Variants in ITGA7 observed in about 807,000 individuals in gnomAD.
ITGA7 encodes the protein integrin alpha-7.
A neutral mutation model predicts 131.6 loss-of-function variants in ITGA7; 84 were observed. The observed-to-expected ratio is 0.64, with a 90% CI of 0.54 to 0.77. The LOEUF (loss-of-function observed/expected upper bound fraction) is 0.77. Among genes scored for constraint, ITGA7 ranks in the 30% least tolerant of loss-of-function variants. The pLI is 0.00. For missense variants in ITGA7, 1,399 were observed against 1,482.9 expected (o/e 0.94, Z 0.93); for synonymous variants, 548 against 600.7 (o/e 0.91, Z 1.28).
chr12:55,685,189 T>A lies in ITGA7; in HGVS notation c.3283A>T (p.Lys1095Ter), dbSNP rs879145415. 1.9e-6 allele frequency: 3 copies of A among 1,614,104 alleles called. No homozygotes were observed. Among genetic ancestry groups the A allele is most frequent in the Non-Finnish European group, 2.5e-6 (3 of 1,180,002 alleles). ...TTGTTCCTCAGGATGGTGCCCGTCT[T>A]CTCCTCCTTGAACTGCTGTCGGTCT... is the stretch of plus-strand genomic sequence containing the variant. ...REDRQQFKEE[K>*]TGTILRNNWG... The change falls in exon 25 of 25, where the codon AAG (lysine) becomes TAG (stop). Residue 1095 changes from lysine (K) to a stop codon, truncating the protein, a stop_gained. Transcript: ENST00000257879. LOFTEE classifies it high-confidence loss of function.
chr12:55,716,000 A>G (rs1430280106), upstream of ITGA7: 3 of 1,496,000 alleles, frequency 2.0e-6, no homozygotes, highest in African/African-American at 2.8e-5. Flanking sequence ...ATCTTCACCC[A>G]AGGTCTCAAG....
Position 55,699,047 on chromosome 12 carries a change from C to A in ITGA7, c.791-130G>T, listed in dbSNP as rs1487067934. 1.3e-5 allele frequency: 11 copies of A among 818,300 alleles called. No homozygotes were observed. The Admixed American group carries it at 1.9e-4, about 14-fold the overall frequency. The allele number at this position is 818,300 out of a possible 1,614,324, so 50.7% of individuals were successfully genotyped here. A position where few individuals can be genotyped will look rare whatever the true frequency, so the allele number is the denominator to read the frequency against. On this transcript the variant is annotated intron_variant, in intron 5 of 24. Coordinates refer to ENST00000257879, the MANE Select transcript of ITGA7 (RefSeq NM_002206.3). ...AAGTCACAGCTCCCCTGCACCCTGC[C>A]CCCTCCCCTAGGTTAAGAGCCAAAA...
chr12:55,706,758 A>G (rs1390916637), intron 1 of ITGA7, among the ~76,000 whole-genome samples: 2 of 152,128 alleles, frequency 1.3e-5, no homozygotes, highest in African/African-American at 4.8e-5. Flanking sequence ...GAAATTTGCT[A>G]AGGAGGAGGA....
upstream of ITGA7, among the ~76,000 whole-genome samples, chr12:55,715,647 G>GTA (rs1182889074): frequency 6.6e-6 from 1 of 152,108 alleles, no homozygotes; most frequent in East Asian, 1.9e-4. Context: ...GACTTCAGTG[G>GTA]GGTAGTGAGA....
chr12:55,711,016 A>G (rs2136118184), upstream of ITGA7, among the ~76,000 whole-genome samples: 2 of 152,350 alleles, frequency 1.3e-5, no homozygotes, highest in Middle Eastern at 6.8e-3. Flanking sequence ...AAATGCATGT[A>G]AAAAATGGTG....
upstream of ITGA7, chr12:55,715,934 C>A: frequency 7.8e-7 from 1 of 1,276,344 alleles, no homozygotes; most frequent in Non-Finnish European, 1.0e-6. Flanking sequence ...ACTAAGCTCC[C>A]AATAAAGAAC....
intron 7 of ITGA7, 33 bp downstream of exon 7, chr12:55,698,350 C>A: frequency 6.4e-7 from 1 of 1,570,704 alleles, no homozygotes; most frequent in Non-Finnish European, 8.6e-7. Context: ...TGTGGCCCCT[C>A]CCTCCCTGAG....
chr12:55,716,088 C>T (rs533860678), upstream of ITGA7: 10 of 1,583,888 alleles, frequency 6.3e-6, no homozygotes, highest in Admixed American at 1.1e-4. Flanking sequence ...TTCCAGCTTC[C>T]GGAGCCGGAG....
At chr12:55,712,078 A>G (rs1309741998), upstream of ITGA7, 3 of 1,551,396 alleles carry the variant, frequency 1.9e-6, no homozygotes, top group East Asian at 2.4e-5. Flanking sequence ...CAGCACTGGA[A>G]TCCTTCTGCC....
chr12:55,699,978 C>A lies in ITGA7; in HGVS notation c.682G>T (p.Val228Leu). The A allele has an allele frequency of 6.2e-7, 1 of 1,613,930 alleles. No homozygotes were observed. Among genetic ancestry groups the A allele is most frequent in the Non-Finnish European group, 8.5e-7 (1 of 1,180,000 alleles). The stretch of plus-strand genomic sequence containing the variant: ...GGGTCTGAGCTATCAATGTTGGTCA[C>A]AAAAAGCAACCCTGTGGGGGGTGGG... ...GTYNWKGLLF[V>L]TNIDSSDPDQ... is the part of the protein sequence containing the mutation. The change falls in exon 5 of 25, where the codon GTG (valine) becomes TTG (leucine). Residue 228 changes from valine (V) to leucine (L), a missense_variant. Val to Leu is a conservative substitution (Grantham distance 32). Transcript: ENST00000257879.
chr12:55,693,105 C>T lies in ITGA7; in HGVS notation c.2712+36G>A, dbSNP rs1323123828. The stretch of plus-strand genomic sequence containing the variant: ...TACCCTTACTCCCCATAACATCTGT[C>T]CCCACATCTAACCCCCACCCCCACC... On this transcript the variant is annotated intron_variant, in intron 20 of 24. Transcript: ENST00000257879. The T allele has an allele frequency of 4.3e-6, 7 of 1,612,100 alleles. No individual in the cohort carries two copies. In the African/African-American group the frequency reaches 8.0e-5, roughly 18 times the overall value.
chr12:55,688,051 C>T lies in ITGA7; in HGVS notation c.3103G>A (p.Gly1035Arg). ...AGGAGGATGACCCACCAGGGCACTC[C>T]TTCTGCCACCACAGCCATGGGGTCC... Reference protein sequence around the residue: ...YLDPMAVVAEGVPWWVILLAV... With the variant: ...YLDPMAVVAERVPWWVILLAV... The change falls in exon 24 of 25, where the codon GGA becomes AGA. Residue 1035 changes from glycine to arginine, a missense_variant. Transcript: ENST00000257879. 6.2e-7 allele frequency: 1 copy of T among 1,614,178 alleles called. No homozygotes were observed.
In ITGA7 at chr12:55,694,266, A is replaced by G. The variant is rs1225452098; in HGVS notation, c.2422T>C (p.Ser808Pro). The G allele has an allele frequency of 6.2e-7, 1 of 1,614,076 alleles. No homozygotes were observed. The highest frequency in any genetic ancestry group is 1.1e-5 in the South Asian group (1 of 91,090). Reference protein sequence around the residue: ...RARVFIELPLSIAGMAIPQQL... With the variant: ...RARVFIELPLPIAGMAIPQQL... ...TTGGGCCAGGCTCACCCTGCAATGG[A>G]CAGTGGCAGCTCAATGAAGACACGG... Residue 808 changes from serine to proline, a missense_variant, in exon 18 of 25, where the codon TCC (serine) becomes CCC (proline). Coordinates refer to ENST00000257879, the MANE Select transcript of ITGA7 (RefSeq NM_002206.3). The surrounding 1 kb of genome is among the most constrained non-coding windows in gnomAD (Gnocchi z 5.3).
intron 1 of ITGA7, among the ~76,000 whole-genome samples, chr12:55,706,417 C>A (rs775000996): frequency 1.3e-5 from 2 of 152,144 alleles, no homozygotes; most frequent in Non-Finnish European, 2.9e-5. Flanking sequence ...TTGTCCCTGC[C>A]CCCTGCCCCC....
chr12:55,701,097 CCCGCGTCT>C lies in ITGA7; in HGVS notation c.464_471del (p.Glu155GlyfsTer18), dbSNP rs1377471434. On this transcript the variant is annotated frameshift_variant, in exon 4 of 25. Coordinates refer to ENST00000257879, the MANE Select transcript of ITGA7 (RefSeq NM_002206.3). LOFTEE classifies it high-confidence loss of function. Reference sequence around the variant, plus strand: ...AGCACAAAGCAGCGACCAATCATATCCCGCGTCTCCAGGATCTGGTCCACTCGCTGCCT... The same window carrying C: ...AGCACAAAGCAGCGACCAATCATATCCCAGGATCTGGTCCACTCGCTGCCT... 1 of 1,614,234 alleles carries C rather than the reference CCCGCGTCT, an allele frequency of 6.2e-7. No individual in the cohort carries two copies. The highest frequency in any genetic ancestry group is 1.7e-5 in the Admixed American group (1 of 60,024).
chr12:55,715,960 C>A, upstream of ITGA7: 2 of 1,427,158 alleles, frequency 1.4e-6, no homozygotes, highest in Non-Finnish European at 1.8e-6. Context: ...ACCTGCCCTC[C>A]GCAACCCTCT....
rs112646584 is a variant in ITGA7 at position 55,687,911 on chromosome 12, C to G, written c.3183+60G>C. ...GTGGGTGGGTGACAGAACCACAATA[C>G]AAAATGCTGCTCACCCAACCAGGAA... On this transcript the variant is annotated intron_variant, in intron 24 of 24. Coordinates refer to ENST00000257879, the MANE Select transcript of ITGA7 (RefSeq NM_002206.3). 2.4e-5 allele frequency: 38 copies of G among 1,611,494 alleles called. No individual in the cohort carries two copies. In the African/African-American group the frequency reaches 3.9e-4, roughly 16 times the overall value.
At chr12:55,688,357 C>T in intron 22 of ITGA7, 57 bp from the exon 23 acceptor site, 1 of 1,166,838 alleles carries the variant, frequency 8.6e-7, no homozygotes, top group Non-Finnish European at 1.3e-6. Context: ...CCCTCCCTTC[C>T]CCTTACCTCC....
At position 55,687,481 on chromosome 12, in the gene ITGA7, G is replaced by A. The variant is rs1456292333; in HGVS notation, c.3183+490C>T. Among the ~76,000 whole-genome samples the A allele has an allele frequency of 1.2e-4, 14 of 120,340 alleles. No individual in the cohort carries two copies. The East Asian group carries it at 1.5e-3, about 13-fold the overall frequency. The allele number at this position is 120,340 out of a possible 152,430, so 78.9% of individuals were successfully genotyped here. On this transcript the variant is annotated intron_variant, in intron 24 of 24. Coordinates refer to ENST00000257879, the MANE Select transcript of ITGA7 (RefSeq NM_002206.3). ...TGGGATTACAGGCATGAGCCACCATGCCCGGCTTTTTTTTTTTTTTTTTTT... is the reference window on the plus strand; with the variant it reads ...TGGGATTACAGGCATGAGCCACCATACCCGGCTTTTTTTTTTTTTTTTTTT...
Sources: gnomAD v4.1 joint callset for allele counts (sites outside exome capture counted in the v4.1 genomes callset) on GRCh38, gnomAD v4.1.1 for gene constraint, Gnocchi (gnomAD v3.1) non-coding constraint, MANE v1.5 for transcripts, NCBI Gene and HGNC (gene_info 2026-07-23, HGNC 2026-07-21) for gene names.